Variants in ITSN1 observed in about 807,000 individuals in gnomAD.
The protein encoded by ITSN1 is intersectin 1.
In ITSN1, 58 loss-of-function variants were observed where a neutral mutation model predicts 239.8. The ratio of observed to expected loss-of-function variants is 0.24; its 90% CI spans 0.20 to 0.30. ITSN1 has a LOEUF of 0.30. ITSN1 is among the 10% of genes least tolerant of loss of function. The pLI, the probability that ITSN1 is intolerant of heterozygous loss-of-function variation, is 1.00. For synonymous variants in ITSN1, 780 were observed against 770.8 expected (o/e 1.01, Z -0.20); for missense variants, 1,558 against 2,103.3 (o/e 0.74, Z 5.07).
intron 37 of ITSN1, 23 bp from the exon 38 acceptor site, chr21:33,885,416 T>C: frequency 1.2e-6 from 2 of 1,606,750 alleles, no homozygotes. Flanking sequence ...ATGAAGCATT[T>C]TGTGTTTTTC....
Position 33,858,700 on chromosome 21 carries a change from C to T in ITSN1, c.3798C>T (p.Pro1266=). The change falls in exon 31 of 40, where the codon CCC becomes CCT. Residue 1266 remains proline, a synonymous_variant. Coordinates refer to ENST00000381318, the MANE Select transcript of ITSN1 (RefSeq NM_003024.3). Reference sequence around the variant, plus strand: ...TGCATCTGTAGATTTTTCAAAAACCCCTGATGGAGTCTGAGCTGCTGACAG... The same window carrying T: ...TGCATCTGTAGATTTTTCAAAAACCTCTGATGGAGTCTGAGCTGCTGACAG... ...LQLVTEIFQK[P]LMESELLTEK... 6.2e-7 allele frequency: 1 copy of T among 1,612,508 alleles called. No homozygotes were observed. Among genetic ancestry groups the T allele is most frequent in the Non-Finnish European group, 8.5e-7 (1 of 1,179,026 alleles).
chr21:33,702,933 C>T lies in ITSN1; in HGVS notation c.-32-15864C>T, dbSNP rs116140535. Among the ~76,000 whole-genome samples the T allele has an allele frequency of 3.6e-3, 550 of 152,084 alleles. 2 individuals are homozygous for T. The highest frequency in any genetic ancestry group is 0.012 in the African/African-American group (517 of 41,496). On this transcript the variant is annotated intron_variant, in intron 1 of 39. Transcript: ENST00000381318. ...TCTCTACCAAAGTACAAAAATTAGC[C>T]GGGCATGATGGCCGGTGCCTGTAAT...
rs1002533198 is a variant in ITSN1, at chr21:33,882,911, G to A, written c.4554+456G>A. 2.6e-5 allele frequency among the ~76,000 whole-genome samples: 4 copies of A among 152,206 alleles called. No homozygotes were observed. Among genetic ancestry groups the A allele is most frequent in the African/African-American group, 4.8e-5 (2 of 41,452 alleles). On this transcript the variant is annotated intron_variant, in intron 35 of 39. Coordinates refer to ENST00000381318, the MANE Select transcript of ITSN1 (RefSeq NM_003024.3). This position sits in a 1 kb window ranked among gnomAD's most constrained non-coding sequence, Gnocchi z 4.5. ...AAGTCTCTCTAAACAGTTGATACGT[G>A]GAGAATTTCCCTCAGCTGTTTATAT...
In ITSN1 at chr21:33,895,530, T is replaced by TGC. The variant is rs10641451; in HGVS notation, c.*7231_*7232insCG. ...GCGCGTGTTTGTGTGTGCATGTGTG[T>TGC]GTGTCTACGTGTGTGTGCACGCATG... is the stretch of plus-strand genomic sequence containing the variant. On this transcript the variant is annotated 3_prime_UTR_variant, in exon 40 of 40. Coordinates refer to ENST00000381318, the MANE Select transcript of ITSN1 (RefSeq NM_003024.3). 84,152 of 146,782 alleles carry TGC rather than the reference T, an allele frequency of 0.57. 23,603 individuals are homozygous for TGC. Among genetic ancestry groups the TGC allele is most frequent in the African/African-American group, 0.62 (25,036 of 40,120 alleles). 9.1% of individuals were successfully genotyped at this position (146,782 alleles called of 1,614,324 possible).
intron 29 of ITSN1, among the ~76,000 whole-genome samples, chr21:33,851,650 C>T (rs990256286): frequency 4.0e-5 from 6 of 151,608 alleles, no homozygotes; most frequent in African/African-American, 1.5e-4. Context: ...CCACCTGCCT[C>T]AGCCTCCCAA....
chr21:33,873,901 CT>C (rs1983184807), intron 33 of ITSN1, among the ~76,000 whole-genome samples: 1 of 151,282 alleles, frequency 6.6e-6, no homozygotes, highest in Non-Finnish European at 1.5e-5. Flanking sequence ...TGGCTCGCGC[CT>C]GTAATCCCAG....
At chr21:33,761,300 C>T (rs1229242198) in intron 8 of ITSN1, among the ~76,000 whole-genome samples, 2 of 151,996 alleles carry the variant, frequency 1.3e-5, no homozygotes, top group East Asian at 1.9e-4. Flanking sequence ...CTCCTGAGCT[C>T]GAGCCATCTG....
chr21:33,863,231 T>C (rs1206512273), intron 31 of ITSN1, among the ~76,000 whole-genome samples: 1 of 152,208 alleles, frequency 6.6e-6, no homozygotes, highest in Non-Finnish European at 1.5e-5. Context: ...TGTCTGCTGG[T>C]TGGGTAACTC....
At chr21:33,838,832 A>G (rs2148421213) in intron 29 of ITSN1, among the ~76,000 whole-genome samples, 1 of 152,354 alleles carries the variant, frequency 6.6e-6, no homozygotes. Context: ...GGCTCAGGGT[A>G]CAAACCATTT....
chr21:33,754,412 T>A (rs1219448128), intron 7 of ITSN1, among the ~76,000 whole-genome samples: 1 of 152,212 alleles, frequency 6.6e-6, no homozygotes, highest in East Asian at 1.9e-4. Flanking sequence ...CATGTTTGAA[T>A]AGATATTTTT....
At chr21:33,785,922 T>C (rs1166216810) in intron 16 of ITSN1, among the ~76,000 whole-genome samples, 2 of 152,150 alleles carry the variant, frequency 1.3e-5, no homozygotes, top group African/African-American at 4.8e-5. Flanking sequence ...AAACCAATAA[T>C]TACTTGAGAA....
intron 5 of ITSN1, among the ~76,000 whole-genome samples, chr21:33,747,568 A>G (rs572457917): frequency 2.0e-5 from 3 of 152,210 alleles, no homozygotes; most frequent in East Asian, 1.9e-4. Context: ...AAACACAGAG[A>G]TAAAACCTTG....
At chr21:33,863,278 A>G (rs931277765) in intron 31 of ITSN1, among the ~76,000 whole-genome samples, 7 of 152,338 alleles carry the variant, frequency 4.6e-5, no homozygotes, top group Middle Eastern at 3.4e-3. Flanking sequence ...CCCAGGAACT[A>G]ATTCCTCAAG....
At chr21:33,749,138 AC>A (rs908537792) in intron 5 of ITSN1, among the ~76,000 whole-genome samples, 1 of 151,758 alleles carries the variant, frequency 6.6e-6, no homozygotes, top group Non-Finnish European at 1.5e-5. Flanking sequence ...ACAGGCGGGT[AC>A]CACCATGCCT....
At chr21:33,667,750 G>C (rs529493439) in intron 1 of ITSN1, among the ~76,000 whole-genome samples, 1 of 152,282 alleles carries the variant, frequency 6.6e-6, no homozygotes, top group African/African-American at 2.4e-5. Flanking sequence ...TGTTTCCTGA[G>C]TCTGCACTGT....
chr21:33,841,439 A>G (rs2074819968), intron 29 of ITSN1, among the ~76,000 whole-genome samples: 1 of 152,246 alleles, frequency 6.6e-6, no homozygotes. Flanking sequence ...CGGTGACTAT[A>G]GAAAACACCA....
chr21:33,671,433 C>T (rs573056967), intron 1 of ITSN1, among the ~76,000 whole-genome samples: 37 of 151,938 alleles, frequency 2.4e-4, no homozygotes, highest in African/African-American at 8.0e-4. Flanking sequence ...ATTACAGGCG[C>T]CGGCCACCAC....
intron 1 of ITSN1, among the ~76,000 whole-genome samples, chr21:33,709,298 C>T (rs186759591): frequency 2.4e-4 from 37 of 152,182 alleles, no homozygotes; most frequent in African/African-American, 2.2e-4. Context: ...AAGTTTTCTT[C>T]GCAATATTTT....
intron 14 of ITSN1, 104 bp downstream of exon 14, chr21:33,775,212 G>A: frequency 7.9e-7 from 1 of 1,266,214 alleles, no homozygotes; most frequent in Non-Finnish European, 1.1e-6. Flanking sequence ...CAACTGTCTT[G>A]TACTAGGCAC....
Sources: allele counts gnomAD v4.1 joint callset (sites outside exome capture counted in the v4.1 genomes callset), GRCh38; gene constraint gnomAD v4.1.1; non-coding constraint Gnocchi (gnomAD v3.1); transcripts MANE v1.5; gene names NCBI Gene and HGNC (gene_info 2026-07-23, HGNC 2026-07-21).